The following DYRK3 variants were observed in gnomAD, a reference collection of about 807,000 sequenced individuals.
DYRK3 encodes dual specificity tyrosine-phosphorylation-regulated kinase 3.
DYRK3 carries 30 observed loss-of-function variants against 40.8 expected under a neutral mutation model. That is an observed-to-expected ratio of 0.74 (90% CI 0.55 to 1.00). The LOEUF is 1.00. DYRK3 is among the 50% of genes least tolerant of loss of function. DYRK3 has a pLI of 0.00. For missense variants in DYRK3, 699 were observed against 731.5 expected, an observed-to-expected ratio of 0.96 and a Z score of 0.51; for synonymous variants, 272 against 260.7, an observed-to-expected ratio of 1.04 and a Z score of -0.42.
rs1359976211 is a variant in DYRK3, at chr1:206,652,305, C to T, written c.*3340C>T. Among the ~76,000 whole-genome samples, 1 of 152,170 alleles carries T rather than the reference C, an allele frequency of 6.6e-6. No homozygotes were observed. Among genetic ancestry groups the T allele is most frequent in the Non-Finnish European group, 1.5e-5 (1 of 68,038 alleles). ...CAAACTGTTAAAAGCATTACTACCC[C>T]ATATGCATCTGATGTACACTGTGTT... On this transcript the variant is annotated 3_prime_UTR_variant, in exon 3 of 3. Transcript: ENST00000367109.
Position 206,637,658 on chromosome 1 carries a change from A to G in DYRK3, c.86A>G (p.Asp29Gly). 2 of 1,612,504 alleles carry G rather than the reference A, an allele frequency of 1.2e-6. No individual in the cohort carries two copies. Among genetic ancestry groups the G allele is most frequent in the Non-Finnish European group, 1.7e-6 (2 of 1,178,798 alleles). ...GLPPQQRRLGDGVYDTFMMID... is the reference protein window; with the variant it reads ...GLPPQQRRLGGGVYDTFMMID... ...GTAATCCTTTTAACTAGGTTGGGGG[A>G]TGGTGTCTATGACACCTTCATGATG... Residue 29 changes from aspartate (D) to glycine (G), a missense_variant, in exon 2 of 3, where the codon GAT (aspartate) becomes GGT (glycine). Asp to Gly is a moderately conservative substitution (Grantham distance 94). Transcript: ENST00000367109.
rs1344954811 is a variant in DYRK3, at chr1:206,641,864, A to G, written c.189+4103A>G. Among the ~76,000 whole-genome samples the G allele has an allele frequency of 2.7e-5, 4 of 150,768 alleles. 1 individual carries two copies. The highest frequency in any genetic ancestry group is 9.9e-5 in the African/African-American group (4 of 40,434). On this transcript the variant is annotated intron_variant, in intron 2 of 2. Coordinates refer to ENST00000367109, the MANE Select transcript of DYRK3 (RefSeq NM_003582.4). ...AGGCAATACCATTCAGGACATAGGC[A>G]TAGGCAAGGACTTCATGTCTAAAAC...
intron 2 of DYRK3, among the ~76,000 whole-genome samples, chr1:206,639,554 C>T (rs959645539): frequency 2.7e-5 from 4 of 150,652 alleles, no homozygotes; most frequent in Non-Finnish European, 5.9e-5. Context: ...TGCAACCTCC[C>T]GGGTTCAAGT....
At chr1:206,643,095 C>A (rs1203255195) in intron 2 of DYRK3, among the ~76,000 whole-genome samples, 2 of 152,024 alleles carry the variant, frequency 1.3e-5, no homozygotes, top group African/African-American at 4.8e-5. Context: ...ACATAAAGTG[C>A]AGCCTATGTT....
At chr1:206,642,447 A>T (rs1275433392) in intron 2 of DYRK3, among the ~76,000 whole-genome samples, 1 of 152,242 alleles carries the variant, frequency 6.6e-6, no homozygotes, top group African/African-American at 2.4e-5. Context: ...CCAAAGGATT[A>T]TAAATCATGC....
chr1:206,636,015 A>AT, intron 1 of DYRK3: 1 of 1,437,868 alleles, frequency 7.0e-7, no homozygotes, highest in Non-Finnish European at 9.2e-7. Context: ...AGCAAGAAGA[A>AT]TTTCCACCCC....
chr1:206,651,784 A>T lies in DYRK3; in HGVS notation c.*2819A>T, dbSNP rs1165159845. ...AGATCAGGGAGCATTGAACCTCTAC[A>T]ATTTGCTGCATTGGATTTCTGCATG... is the stretch of plus-strand genomic sequence containing the variant. On this transcript the variant is annotated 3_prime_UTR_variant, in exon 3 of 3. Transcript: ENST00000367109. 2.0e-5 allele frequency among the ~76,000 whole-genome samples: 3 copies of T among 152,196 alleles called. No individual in the cohort carries two copies. Among genetic ancestry groups the T allele is most frequent in the African/African-American group, 7.2e-5 (3 of 41,442 alleles).
Position 206,647,629 on chromosome 1 carries a change from A to G in DYRK3, c.431A>G (p.Glu144Gly), listed in dbSNP as rs1558558604. The G allele has an allele frequency of 1.9e-6, 3 of 1,614,068 alleles. No individual in the cohort carries two copies. The highest frequency in any genetic ancestry group is 3.3e-5 in the Admixed American group (2 of 59,998). Reference protein sequence around the residue: ...KAPKVVPLTPEQALKQYKHHL... With the variant: ...KAPKVVPLTPGQALKQYKHHL... ...CCCAAAGTGGTGCCTCTGACTCCAGAACAAGCCCTGAAGCAATATAAACAC... is the reference window on the plus strand; with the variant it reads ...CCCAAAGTGGTGCCTCTGACTCCAGGACAAGCCCTGAAGCAATATAAACAC... Residue 144 changes from glutamate (E) to glycine (G), a missense_variant, in exon 3 of 3, where the codon GAA becomes GGA. Coordinates refer to ENST00000367109, the MANE Select transcript of DYRK3 (RefSeq NM_003582.4).
chr1:206,649,516 C>T lies in DYRK3; in HGVS notation c.*551C>T, dbSNP rs1433595546. ...GGTGTCCCTGGTTTTCAGTGACTCG[C>T]TCCTCTTCCCTTCAGTTCTCTGATG... On this transcript the variant is annotated 3_prime_UTR_variant, in exon 3 of 3. Coordinates refer to ENST00000367109, the MANE Select transcript of DYRK3 (RefSeq NM_003582.4). Among the ~76,000 whole-genome samples the T allele has an allele frequency of 6.6e-6, 1 of 152,154 alleles. No homozygotes were observed. The highest frequency in any genetic ancestry group is 1.5e-5 in the Non-Finnish European group (1 of 68,014).
rs1671689910 is a variant in DYRK3 at position 206,653,798 on chromosome 1, A to G, written c.*4833A>G. ...GAGTCTAGCCTGGATCTTCTTTCCC[A>G]GAGGAAGTTTGACTTATGACCATAT... On this transcript the variant is annotated 3_prime_UTR_variant, in exon 3 of 3. Transcript: ENST00000367109. Among the ~76,000 whole-genome samples the G allele has an allele frequency of 6.6e-6, 1 of 152,244 alleles. No homozygotes were observed. The highest frequency in any genetic ancestry group is 1.5e-5 in the Non-Finnish European group (1 of 68,046).
chr1:206,643,057 C>T (rs1471451053), intron 2 of DYRK3, among the ~76,000 whole-genome samples: 1 of 152,154 alleles, frequency 6.6e-6, no homozygotes, highest in Non-Finnish European at 1.5e-5. Flanking sequence ...GTAGCCTGCT[C>T]TGTTCTGGAA....
chr1:206,637,100 A>G lies in DYRK3; in HGVS notation c.78-550A>G, dbSNP rs561631197. On this transcript the variant is annotated intron_variant, in intron 1 of 2. Coordinates refer to ENST00000367109, the MANE Select transcript of DYRK3 (RefSeq NM_003582.4). ...TGAATAAAGAGAAGACAGCCTTAAA[A>G]AGGCCTTTTATTTCTTGCCTGTAAG... 7.6e-6 allele frequency: 5 copies of G among 659,920 alleles called. No individual in the cohort carries two copies. The Admixed American group carries it at 1.1e-4, about 14-fold the overall frequency. The allele number at this position is 659,920 out of a possible 1,614,324, so 40.9% of individuals were successfully genotyped here.
Position 206,647,920 on chromosome 1 carries a change from G to C in DYRK3, c.722G>C (p.Arg241Pro). The C allele has an allele frequency of 6.2e-7, 1 of 1,613,966 alleles. No individual in the cohort carries two copies. Among genetic ancestry groups the C allele is most frequent in the Non-Finnish European group, 8.5e-7 (1 of 1,179,990 alleles). The change falls in exon 3 of 3, where the codon CGC becomes CCC. Residue 241 changes from arginine to proline, a missense_variant. Physicochemically the swap from Arg to Pro is moderately radical, Grantham distance 103. Coordinates refer to ENST00000367109, the MANE Select transcript of DYRK3 (RefSeq NM_003582.4). Reference protein sequence around the residue: ...LRQYVALKMVRNEKRFHRQAA... With the variant: ...LRQYVALKMVPNEKRFHRQAA... ...CAGTACGTGGCCCTAAAAATGGTGC[G>C]CAATGAGAAGCGCTTTCATCGTCAA...
Position 206,647,495 on chromosome 1 carries a change from T to C in DYRK3, c.297T>C (p.Thr99=), listed in dbSNP as rs1671488588. Residue 99 remains threonine (T), a synonymous_variant, in exon 3 of 3, where the codon ACT becomes ACC. Transcript: ENST00000367109. ...AATTTGGCAACAGAAAATCCAATAC[T>C]ATTCAGTCAGATGGCATCAGTGACT... The part of the protein sequence containing the change: ...FQEFGNRKSN[T]IQSDGISDSE... The C allele has an allele frequency of 6.2e-7, 1 of 1,614,082 alleles. No homozygotes were observed.
chr1:206,648,629 C>A lies in DYRK3; in HGVS notation c.1431C>A (p.Pro477=). Residue 477 remains proline, a synonymous_variant, in exon 3 of 3, where the codon CCC becomes CCA. Transcript: ENST00000367109. ...CACGTAGGGGTAAAAAGCGGGGTCC[C>A]CCAGGCAGCAAAGACTGGGGGACAG... ...GRSRRGKKRG[P]PGSKDWGTAL... 6.2e-7 allele frequency: 1 copy of A among 1,613,648 alleles called. No individual in the cohort carries two copies. The highest frequency in any genetic ancestry group is 1.1e-5 in the South Asian group (1 of 91,050).
intron 2 of DYRK3, among the ~76,000 whole-genome samples, chr1:206,639,597 G>T (rs1440334132): frequency 6.6e-6 from 1 of 151,686 alleles, no homozygotes; most frequent in Non-Finnish European, 1.5e-5. Context: ...AAGTAGCTGG[G>T]ATTATAGGCA....
chr1:206,638,097 A>G (rs950521487), intron 2 of DYRK3, among the ~76,000 whole-genome samples: 7 of 152,170 alleles, frequency 4.6e-5, no homozygotes, highest in African/African-American at 1.7e-4. Context: ...AAAAATAAGA[A>G]ACAGAAAACA....
At chr1:206,640,288 C>T (rs1671250119) in intron 2 of DYRK3, among the ~76,000 whole-genome samples, 2 of 152,074 alleles carry the variant, frequency 1.3e-5, no homozygotes, top group South Asian at 4.1e-4. Flanking sequence ...TGCCTTTTGA[C>T]CTCTTGGTGC....
Position 206,648,457 on chromosome 1 carries a change from G to A in DYRK3, c.1259G>A (p.Cys420Tyr), listed in dbSNP as rs947498467. Residue 420 changes from cysteine to tyrosine, a missense_variant, in exon 3 of 3, where the codon TGC becomes TAC. Cys to Tyr is a radical substitution (Grantham distance 194). Transcript: ENST00000367109. ...GAGGATGAAGGAGACCAGTTGGCCT[G>A]CATGATGGAGCTTCTAGGGATGCCA... The part of the protein sequence containing the change: ...PGEDEGDQLA[C>Y]MMELLGMPPP... The A allele has an allele frequency of 2.5e-6, 4 of 1,614,184 alleles. No individual in the cohort carries two copies. The highest frequency in any genetic ancestry group is 3.4e-6 in the Non-Finnish European group (4 of 1,180,034).
Sources: gnomAD v4.1 joint callset for allele counts (sites outside exome capture counted in the v4.1 genomes callset) on GRCh38, gnomAD v4.1.1 for gene constraint, MANE v1.5 for transcripts, NCBI Gene and HGNC (gene_info 2026-07-23, HGNC 2026-07-21) for gene names.